ST3GAL3: variants seen among roughly 807,000 people sequenced by gnomAD.
ST3GAL3 encodes CMP-N-acetylneuraminate-beta-1,4-galactoside alpha-2,3-sialyltransferase.
A neutral mutation model predicts 50.1 loss-of-function variants in ST3GAL3; 21 were observed. The ratio of observed to expected loss-of-function variants is 0.42; its 90% confidence interval spans 0.30 to 0.60. ST3GAL3 has a LOEUF of 0.60. ST3GAL3 is among the 20% of genes least tolerant of loss of function. The probability of loss-of-function intolerance (pLI) is 0.19; values close to 1 mark genes in which losing one functional copy is unlikely to be tolerated. For synonymous variants in ST3GAL3, 183 were observed against 190.0 expected (o/e 0.96, Z 0.30); for missense variants, 353 against 489.4 (o/e 0.72, Z 2.63).
At chr1:43,836,539 C>T (rs1032183964) in intron 4 of ST3GAL3, among the ~76,000 whole-genome samples, 2 of 152,182 alleles carry the variant, frequency 1.3e-5, no homozygotes, top group Non-Finnish European at 2.9e-5. Flanking sequence ...TTTCTGGTAC[C>T]ACCACCCCAC....
chr1:43,717,871 A>T (rs928907626), intron 1 of ST3GAL3, among the ~76,000 whole-genome samples: 1 of 145,896 alleles, frequency 6.9e-6, no homozygotes, highest in African/African-American at 2.5e-5. Context: ...CCTATCATGA[A>T]TTTTTTTTTT....
intron 5 of ST3GAL3, among the ~76,000 whole-genome samples, chr1:43,852,462 T>C (rs2067512014): frequency 6.6e-6 from 1 of 152,218 alleles, no homozygotes; most frequent in Non-Finnish European, 1.5e-5. Context: ...TATATAACTA[T>C]TGGCTGGTAT....
intron 5 of ST3GAL3, among the ~76,000 whole-genome samples, chr1:43,861,484 T>C (rs1485741233): frequency 6.6e-6 from 1 of 152,136 alleles, no homozygotes; most frequent in Non-Finnish European, 1.5e-5. Flanking sequence ...CTGGCATTTG[T>C]TGATACAGAA....
chr1:43,731,036 A>AT (rs1039933704), intron 1 of ST3GAL3, among the ~76,000 whole-genome samples: 13 of 148,710 alleles, frequency 8.7e-5, no homozygotes, highest in Admixed American at 1.3e-4. Context: ...ACTTAGTCTT[A>AT]TTTTTTTTTT....
chr1:43,790,716 C>G (rs1427250423), intron 2 of ST3GAL3, among the ~76,000 whole-genome samples: 1 of 151,562 alleles, frequency 6.6e-6, no homozygotes, highest in Admixed American at 6.6e-5. Context: ...ACTGCAACCT[C>G]CGCCTCCCAG....
chr1:43,856,376 G>A (rs961415399), intron 5 of ST3GAL3, among the ~76,000 whole-genome samples: 7 of 152,132 alleles, frequency 4.6e-5, no homozygotes, highest in African/African-American at 1.4e-4. Flanking sequence ...GTAAGCTAAC[G>A]ACTTGCTCAA....
chr1:43,913,385 C>T (rs1051623320), intron 9 of ST3GAL3: 1 of 152,178 alleles, frequency 6.6e-6, no homozygotes, highest in African/African-American at 2.4e-5. Context: ...CTATTGTATG[C>T]ACAAGGAACT....
intron 5 of ST3GAL3, among the ~76,000 whole-genome samples, chr1:43,874,458 T>C (rs1328781299): frequency 3.1e-5 from 4 of 128,786 alleles, no homozygotes; most frequent in Non-Finnish European, 7.3e-5. Flanking sequence ...TACTGTTCTT[T>C]TAACTTTTCT....
chr1:43,902,743 G>T (rs1007965062), intron 9 of ST3GAL3, among the ~76,000 whole-genome samples: 6 of 152,332 alleles, frequency 3.9e-5, no homozygotes, highest in East Asian at 1.9e-4. Context: ...GGACATGGGG[G>T]TGCAGCCTCC....
chr1:43,718,547 G>A (rs1001002985), intron 1 of ST3GAL3, among the ~76,000 whole-genome samples: 47 of 151,518 alleles, frequency 3.1e-4, no homozygotes, highest in African/African-American at 1.0e-3. Context: ...TAAATAAAGA[G>A]AACATTACAT....
At chr1:43,791,112 C>T (rs1324050159) in intron 2 of ST3GAL3, among the ~76,000 whole-genome samples, 1 of 152,206 alleles carries the variant, frequency 6.6e-6, no homozygotes, top group Non-Finnish European at 1.5e-5. Flanking sequence ...TTGGGTTTGA[C>T]CCTCACTTAT....
chr1:43,729,948 A>AAG (rs55803885), intron 1 of ST3GAL3, among the ~76,000 whole-genome samples: 102,793 of 151,894 alleles, frequency 0.68, 35,148 homozygotes, highest in East Asian at 0.72. Context: ...TAATGTATGA[A>AAG]AGCCTGTTTT....
intron 5 of ST3GAL3, among the ~76,000 whole-genome samples, chr1:43,860,304 G>A (rs1202321267): frequency 6.6e-6 from 1 of 152,236 alleles, no homozygotes; most frequent in Non-Finnish European, 1.5e-5. Context: ...GTAGGGTAGA[G>A]CACAGCAAAC....
chr1:43,837,643 C>T, intron 4 of ST3GAL3, among the ~76,000 whole-genome samples: 1 of 152,208 alleles, frequency 6.6e-6, no homozygotes, highest in Non-Finnish European at 1.5e-5. Flanking sequence ...GATAGAGCTC[C>T]TCGTTTCCTT....
intron 5 of ST3GAL3, among the ~76,000 whole-genome samples, chr1:43,869,620 C>T (rs2154244483): frequency 2.5e-5 from 1 of 39,822 alleles, no homozygotes; most frequent in East Asian, 1.2e-3. Flanking sequence ...GACCATAAGC[C>T]TATTCTTGAC....
intron 4 of ST3GAL3, among the ~76,000 whole-genome samples, chr1:43,832,094 A>G (rs928934463): frequency 6.6e-6 from 1 of 152,182 alleles, no homozygotes; most frequent in African/African-American, 2.4e-5. Flanking sequence ...TGAATTGGAG[A>G]GTCACAGCAG....
chr1:43,906,167 C>G (rs2079584808), intron 9 of ST3GAL3, among the ~76,000 whole-genome samples: 1 of 131,006 alleles, frequency 7.6e-6, no homozygotes, highest in Non-Finnish European at 1.6e-5. Flanking sequence ...CCTCCTGTTC[C>G]CCTTCCTGCC....
intron 1 of ST3GAL3, 57 bp from the exon 2 acceptor site, chr1:43,736,176 A>G (rs375588372): frequency 8.2e-6 from 12 of 1,469,106 alleles, no homozygotes; most frequent in East Asian, 6.8e-5. Context: ...TTTAAGAGAG[A>G]ATATATCAAT....
At chr1:43,714,417 G>A (rs111692799) in intron 1 of ST3GAL3, among the ~76,000 whole-genome samples, 2,076 of 128,200 alleles carry the variant, frequency 0.016, 57 homozygotes, top group African/African-American at 0.057. Context: ...GTGAAACCCC[G>A]TCTCTACTAA....
Sources: allele counts gnomAD v4.1 joint callset (sites outside exome capture counted in the v4.1 genomes callset), GRCh38; gene constraint gnomAD v4.1.1; transcripts MANE v1.5; gene names NCBI Gene and HGNC (gene_info 2026-07-23, HGNC 2026-07-21).